ZNF780A: variants seen among roughly 807,000 people sequenced by gnomAD.
ZNF780A encodes zinc finger protein 780A.
Under a neutral mutation model 56.7 loss-of-function variants are expected in ZNF780A, and 40 were observed. The observed-to-expected ratio is 0.71, with a 90% CI of 0.55 to 0.92. The LOEUF (loss-of-function observed/expected upper bound fraction) is 0.92, where lower values mean the gene tolerates loss of function less well. Among genes scored for constraint, ZNF780A ranks in the 40% least tolerant of loss-of-function variants. The pLI, the probability that ZNF780A is intolerant of heterozygous loss-of-function variation, is 0.00. For missense variants in ZNF780A, 672 were observed against 783.3 expected, an observed-to-expected ratio of 0.86 and a Z score of 1.70; for synonymous variants, 231 against 248.3, an observed-to-expected ratio of 0.93 and a Z score of 0.66.
At chr19:40,078,815 C>CAAAATTAT (rs1568450298) in intron 5 of ZNF780A, among the ~76,000 whole-genome samples, 1 of 152,020 alleles carries the variant, frequency 6.6e-6, no homozygotes, top group African/African-American at 2.4e-5. Context: ...TGAAAACACA[C>CAAAATTAT]AAAATTATAA....
At chr19:40,081,266 C>T (rs1210018660) in intron 5 of ZNF780A, among the ~76,000 whole-genome samples, 1 of 151,498 alleles carries the variant, frequency 6.6e-6, no homozygotes, top group African/African-American at 2.4e-5. Flanking sequence ...GGCACGATGG[C>T]TCACACCTGT....
Position 40,084,781 on chromosome 19 carries a change from C to A in ZNF780A, c.-28G>T, listed in dbSNP as rs753270372. ...TGCTAGAATTACAAAACTGGTCAAT[C>A]TTCCTCGGGCTTCTCCCCTGGAAAA... On this transcript the variant is annotated 5_prime_UTR_variant, in exon 3 of 6. Transcript: ENST00000683561. 6.4e-7 allele frequency: 1 copy of A among 1,553,142 alleles called. No individual in the cohort carries two copies. Among genetic ancestry groups the A allele is most frequent in the Admixed American group, 2.0e-5 (1 of 51,188 alleles).
chr19:40,077,335 A>T (rs1438251912), intron 5 of ZNF780A, among the ~76,000 whole-genome samples: 2 of 152,136 alleles, frequency 1.3e-5, no homozygotes, highest in Admixed American at 1.3e-4. Flanking sequence ...GCTTCTGGGG[A>T]GGCTTTAGGG....
At chr19:40,078,708 A>C (rs181536335) in intron 5 of ZNF780A, among the ~76,000 whole-genome samples, 20 of 152,342 alleles carry the variant, frequency 1.3e-4, no homozygotes, top group Admixed American at 3.3e-4. Flanking sequence ...TAAATGAAGA[A>C]GAAATAATCT....
chr19:40,073,575 C>A lies in ZNF780A; in HGVS notation c.*941G>T. The A allele has an allele frequency of 1.0e-6, 1 of 985,882 alleles. No individual in the cohort carries two copies. Among genetic ancestry groups the A allele is most frequent in the Non-Finnish European group, 1.2e-6 (1 of 830,344 alleles). 61.1% of individuals were successfully genotyped at this position (985,882 alleles called of 1,614,324 possible). On this transcript the variant is annotated 3_prime_UTR_variant, in exon 6 of 6. Transcript: ENST00000683561. ...CATAGGGAGTACATTGTGAACATGA[C>A]AACTACCCTATATTCCTCATTCAAA...
At chr19:40,070,035 A>C (rs754770770), downstream of ZNF780A, 55 of 152,196 alleles carry the variant, frequency 3.6e-4, 1 homozygote, top group Admixed American at 9.8e-4. Flanking sequence ...AAACCAAATA[A>C]ATGAAATATT....
In ZNF780A at chr19:40,084,742, T is replaced by G; in HGVS notation, c.9+3A>C. 6.4e-7 allele frequency: 1 copy of G among 1,552,156 alleles called. No individual in the cohort carries two copies. Among genetic ancestry groups the G allele is most frequent in the Non-Finnish European group, 8.7e-7 (1 of 1,147,380 alleles). ...CAAGGAAAAGAGAGAAATACAAACT[T>G]ACATGGACCATGTTGCTAGAATTAC... On this transcript the variant is annotated splice_donor_region_variant and intron_variant, in intron 3 of 5. Transcript: ENST00000683561.
Position 40,074,480 on chromosome 19 carries a change from G to A in ZNF780A, c.*36C>T. Reference sequence around the variant, plus strand: ...AATACTCTGATGTTGAACATGGTTTGAGACACGATTAAAGGACTTTCCACA... The same window carrying A: ...AATACTCTGATGTTGAACATGGTTTAAGACACGATTAAAGGACTTTCCACA... On this transcript the variant is annotated 3_prime_UTR_variant, in exon 6 of 6. Transcript: ENST00000683561. The A allele has an allele frequency of 6.2e-7, 1 of 1,608,516 alleles. No individual in the cohort carries two copies. Among genetic ancestry groups the A allele is most frequent in the South Asian group, 1.1e-5 (1 of 90,072 alleles).
intron 5 of ZNF780A, among the ~76,000 whole-genome samples, chr19:40,077,411 A>G (rs1376742874): frequency 1.3e-5 from 2 of 152,116 alleles, no homozygotes; most frequent in Non-Finnish European, 2.9e-5. Flanking sequence ...AAGGAACAAG[A>G]GAGAGAACAA....
At chr19:40,087,930 A>ACAC (rs1974909606) in intron 2 of ZNF780A, among the ~76,000 whole-genome samples, 1 of 152,200 alleles carries the variant, frequency 6.6e-6, no homozygotes, top group Admixed American at 6.5e-5. Flanking sequence ...TCTTCAAAAA[A>ACAC]TACTGTTGTG....
intron 5 of ZNF780A, among the ~76,000 whole-genome samples, chr19:40,077,077 G>T (rs913232346): frequency 6.6e-6 from 1 of 151,980 alleles, no homozygotes; most frequent in East Asian, 1.9e-4. Context: ...CAAACTACGA[G>T]GAGGCCAAAG....
chr19:40,073,014 C>T, downstream of ZNF780A: 3 of 1,523,350 alleles, frequency 2.0e-6, no homozygotes, highest in South Asian at 3.8e-5. Flanking sequence ...ATTATGAATA[C>T]TTTCCTTAAC....
intron 2 of ZNF780A, chr19:40,085,439 G>T: frequency 1.6e-6 from 1 of 614,026 alleles, no homozygotes; most frequent in Non-Finnish European, 2.0e-6. Context: ...AAACAGGATA[G>T]ATAATATGAT....
At chr19:40,069,972 G>A (rs1973762718), downstream of ZNF780A, 1 of 152,144 alleles carries the variant, frequency 6.6e-6, no homozygotes. Context: ...TATGAATCAG[G>A]TAAAAGGAGG....
At position 40,077,261 on chromosome 19, in the gene ZNF780A, C is replaced by T. The variant is rs147949726; in HGVS notation, c.233-1052G>A. ...GGAATACCTGAGACTGGGTAATTTA[C>T]GAAAAAATGAGTATTAACTGGCTCA... On this transcript the variant is annotated intron_variant, in intron 5 of 5. Transcript: ENST00000683561. Among the ~76,000 whole-genome samples, 432 of 152,042 alleles carry T rather than the reference C, an allele frequency of 2.8e-3. 4 individuals are homozygous for T. The highest frequency in any genetic ancestry group is 9.5e-3 in the African/African-American group (396 of 41,482).
At chr19:40,079,600 T>G (rs1974356615) in intron 5 of ZNF780A, among the ~76,000 whole-genome samples, 1 of 152,136 alleles carries the variant, frequency 6.6e-6, no homozygotes, top group African/African-American at 2.4e-5. Context: ...ATGCAATTCT[T>G]AACAAATTCT....
chr19:40,084,836 C>T, intron 2 of ZNF780A, 38 bp from the exon 3 acceptor site: 2 of 1,545,506 alleles, frequency 1.3e-6, no homozygotes, highest in Admixed American at 2.0e-5. Flanking sequence ...ACAATTAAAG[C>T]TGTGTCTCAA....
In ZNF780A at chr19:40,076,971, T is replaced by C. The variant is rs372286094; in HGVS notation, c.233-762A>G. Among the ~76,000 whole-genome samples, 2 of 152,200 alleles carry C rather than the reference T, an allele frequency of 1.3e-5. 1 individual carries two copies. Among genetic ancestry groups the C allele is most frequent in the African/African-American group, 4.8e-5 (2 of 41,528 alleles). On this transcript the variant is annotated intron_variant, in intron 5 of 5. Coordinates refer to ENST00000683561, the MANE Select transcript of ZNF780A (RefSeq NM_001142578.2). ...CTTGGGAGCCAGAAGGTTGTCCTGTTCACTACTACTACCATCACCCATGCC... is the reference window on the plus strand; with the variant it reads ...CTTGGGAGCCAGAAGGTTGTCCTGTCCACTACTACTACCATCACCCATGCC...
chr19:40,081,872 T>C lies in ZNF780A; in HGVS notation c.179A>G (p.Gln60Arg). Residue 60 changes from glutamine to arginine, a missense_variant, in exon 5 of 6, where the codon CAA becomes CGA. By Grantham distance (43) the Gln-to-Arg change is conservative (BLOSUM62 1). Transcript: ENST00000683561. ...TACAACCATCCAGGGCTCTTTCTCT[T>C]GCTCTAGTAACGTAATTACATCTGG... The part of the protein sequence containing the change: ...SKPDVITLLE[Q>R]EKEPWMVVRK... 6.2e-7 allele frequency: 1 copy of C among 1,613,174 alleles called. No individual in the cohort carries two copies. Among genetic ancestry groups the C allele is most frequent in the South Asian group, 1.1e-5 (1 of 91,072 alleles).
Sources: allele counts gnomAD v4.1 joint callset (sites outside exome capture counted in the v4.1 genomes callset), GRCh38; gene constraint gnomAD v4.1.1; transcripts MANE v1.5; gene names NCBI Gene and HGNC (gene_info 2026-07-23, HGNC 2026-07-21).